LAMB2: variants seen among roughly 807,000 people sequenced by gnomAD.
LAMB2 encodes laminin subunit beta 2, also known as laminin subunit beta-2.
In LAMB2, 119 loss-of-function variants were observed where a neutral mutation model predicts 202.7. That is an observed-to-expected ratio of 0.59 (90% CI 0.51 to 0.68). LAMB2 has a LOEUF of 0.68. Ranked by LOEUF, LAMB2 falls within the 30% of genes least tolerant of loss-of-function variation. LAMB2 has a pLI of 0.00. For missense variants in LAMB2, 2,124 were observed against 2,410.6 expected, an observed-to-expected ratio of 0.88 and a Z score of 2.49; for synonymous variants, 818 against 902.2, an observed-to-expected ratio of 0.91 and a Z score of 1.67.
At chr3:49,123,077 G>A in intron 26 of LAMB2, 25 bp from the exon 27 acceptor site, 1 of 1,606,500 alleles carries the variant, frequency 6.2e-7, no homozygotes, top group Non-Finnish European at 8.5e-7. Flanking sequence ...ACAAGTCAGG[G>A]CCCTGTGAGA....
Position 49,123,768 on chromosome 3 carries a change from C to G in LAMB2, c.3757G>C (p.Ala1253Pro). ...GCCTCCACAAGCTGTGCAGTGGAGG[C>G]GGCTGAGGTGTTGCGGGCACCTACG... ...GIVGARNTSA[A>P]STAQLVEATE... Residue 1253 changes from alanine (A) to proline (P), a missense_variant, in exon 24 of 32, where the codon GCC (alanine) becomes CCC (proline). Transcript: ENST00000305544. The G allele has an allele frequency of 6.2e-7, 1 of 1,613,354 alleles. No homozygotes were observed. The highest frequency in any genetic ancestry group is 8.5e-7 in the Non-Finnish European group (1 of 1,180,028).
At position 49,132,869 on chromosome 3, in the gene LAMB2, C is replaced by T. The variant is rs1220462871; in HGVS notation, c.-2G>A. The T allele has an allele frequency of 6.8e-6, 11 of 1,613,850 alleles. No individual in the cohort carries two copies. The highest frequency in any genetic ancestry group is 6.7e-5 in the Admixed American group (4 of 60,014). On this transcript the variant is annotated 5_prime_UTR_variant, in exon 1 of 32. Transcript: ENST00000305544. The surrounding 1 kb of genome is among the most constrained non-coding windows in gnomAD (Gnocchi z 4.6). ...TCTTTCCCTTGAGGTCAGCTCCATC[C>T]TGAAGAGGGGAACAGGGATAAGGGG...
chr3:49,129,707 C>T lies in LAMB2; in HGVS notation c.1415G>A (p.Cys472Tyr). Residue 472 changes from cysteine (C) to tyrosine (Y), a missense_variant, in exon 11 of 32, where the codon TGT becomes TAT. Around this residue, in one of 3 missense-constraint regions of LAMB2, gnomAD observed 1,702 missense variants for 1,896.3 expected, o/e 0.90. Coordinates refer to ENST00000305544, the MANE Select transcript of LAMB2 (RefSeq NM_002292.4). The surrounding 1 kb of genome is among the most constrained non-coding windows in gnomAD (Gnocchi z 6.1). The stretch of plus-strand genomic sequence containing the variant: ...CCCAGGCACTGTGCCCCGTGCATTA[C>T]ATTGACATCCTGCAGGGAAGGAGAA... ...SDRLGCRRCQ[C>Y]NARGTVPGST... is the part of the protein sequence containing the mutation. The T allele has an allele frequency of 6.2e-7, 1 of 1,613,834 alleles. No individual in the cohort carries two copies. The highest frequency in any genetic ancestry group is 8.5e-7 in the Non-Finnish European group (1 of 1,179,742).
rs905883303 is a variant in LAMB2, at chr3:49,129,402, C to T, written c.1519-78G>A. ...CACCCAGCAGGAAATCCCAACCACA[C>T]GTCTTAGCCTCAATCACCCCTCAGT... On this transcript the variant is annotated intron_variant, in intron 11 of 31. Transcript: ENST00000305544. This position sits in a 1 kb window ranked among gnomAD's most constrained non-coding sequence, Gnocchi z 6.1. 177 of 1,323,718 alleles carry T rather than the reference C, an allele frequency of 1.3e-4. No individual in the cohort carries two copies. Among genetic ancestry groups the T allele is most frequent in the Admixed American group, 4.0e-4 (22 of 54,358 alleles). 82.0% of individuals were successfully genotyped at this position (1,323,718 alleles called of 1,614,324 possible).
rs1482700011 is a variant in LAMB2 at position 49,130,899 on chromosome 3, C to A, written c.916-39G>T. On this transcript the variant is annotated intron_variant, in intron 7 of 31. Transcript: ENST00000305544. The surrounding 1 kb of genome is among the most constrained non-coding windows in gnomAD (Gnocchi z 5.0). ...CAGGTAGGTTGTCAGCACTGCTCAG[C>A]CATGTCCGCCCCTGCCCCTAGCCCT... is the stretch of plus-strand genomic sequence containing the variant. 1 of 1,614,150 alleles carries A rather than the reference C, an allele frequency of 6.2e-7. No homozygotes were observed. The highest frequency in any genetic ancestry group is 8.5e-7 in the Non-Finnish European group (1 of 1,180,032).
rs1179045927 is a variant in LAMB2, at chr3:49,132,635, A to G, written c.105T>C (p.Pro35=). 1.2e-6 allele frequency: 2 copies of G among 1,613,938 alleles called. No individual in the cohort carries two copies. The highest frequency in any genetic ancestry group is 2.7e-5 in the African/African-American group (2 of 74,942). The change falls in exon 2 of 32, where the codon CCT becomes CCC. Residue 35 remains proline (P), a synonymous_variant. Transcript: ENST00000305544. The surrounding 1 kb of genome is among the most constrained non-coding windows in gnomAD (Gnocchi z 4.6). ...TGGAACAGCCAGGCACATCCGGGGC[A>G]GGGGCCTGTGCCAGTGTGGCAGCCA... is the stretch of plus-strand genomic sequence containing the variant. ...SVLAATLAQA[P]APDVPGCSRG... is the part of the protein sequence containing the mutation.
At position 49,130,073 on chromosome 3, in the gene LAMB2, C is replaced by T; in HGVS notation, c.1226-55G>A. ...CACCCTATCTCAACTAGCTCACTGC[C>T]AGTCCTCTCCTAAGCCTAAGGGATC... On this transcript the variant is annotated intron_variant, in intron 9 of 31. Coordinates refer to ENST00000305544, the MANE Select transcript of LAMB2 (RefSeq NM_002292.4). The surrounding 1 kb of genome is among the most constrained non-coding windows in gnomAD (Gnocchi z 5.0). 6.3e-7 allele frequency: 1 copy of T among 1,594,474 alleles called. No individual in the cohort carries two copies. Among genetic ancestry groups the T allele is most frequent in the Non-Finnish European group, 8.6e-7 (1 of 1,162,792 alleles).
chr3:49,122,145 C>T lies in LAMB2; in HGVS notation c.4781+18G>A. 6.2e-6 allele frequency: 10 copies of T among 1,613,500 alleles called. No homozygotes were observed. The highest frequency in any genetic ancestry group is 8.5e-6 in the Non-Finnish European group (10 of 1,180,022). On this transcript the variant is annotated intron_variant, in intron 28 of 31. Coordinates refer to ENST00000305544, the MANE Select transcript of LAMB2 (RefSeq NM_002292.4). Reference sequence around the variant, plus strand: ...CAAAACCAGGTGTCAGGGATAGGGGCCAGGGATGGGGTCAGACCTTGCCCG... The same window carrying T: ...CAAAACCAGGTGTCAGGGATAGGGGTCAGGGATGGGGTCAGACCTTGCCCG...
rs1347865651 is a variant in LAMB2, at chr3:49,125,460, G to A, written c.2513C>T (p.Ala838Val). The change falls in exon 19 of 32, where the codon GCA (alanine) becomes GTA (valine). Residue 838 changes from alanine (A) to valine (V), a missense_variant. By Grantham distance (64) the Ala-to-Val change is moderately conservative. This residue lies in a region of LAMB2 where 1,702 missense variants were observed against 1,896.3 expected (regional missense o/e 0.90). Transcript: ENST00000305544. The part of the protein sequence containing the change: ...CQACQCSHEG[A>V]LSSLCEKTSG... ...GGTCTTTTCACAGAGACTGCTGAGTGCCCCCTCGTGGCTGCACTGGCAGGC... is the reference window on the plus strand; with the variant it reads ...GGTCTTTTCACAGAGACTGCTGAGTACCCCCTCGTGGCTGCACTGGCAGGC... 6.2e-6 allele frequency: 10 copies of A among 1,607,312 alleles called. No homozygotes were observed. The highest frequency in any genetic ancestry group is 8.5e-6 in the Non-Finnish European group (10 of 1,177,106).
chr3:49,123,769 G>A lies in LAMB2; in HGVS notation c.3756C>T (p.Ala1252=), dbSNP rs773560262. ...CCTCCACAAGCTGTGCAGTGGAGGC[G>A]GCTGAGGTGTTGCGGGCACCTACGA... The part of the protein sequence containing the change: ...QGIVGARNTS[A]ASTAQLVEAT... The change falls in exon 24 of 32, where the codon GCC becomes GCT. Residue 1252 remains alanine (A), a synonymous_variant. Transcript: ENST00000305544. 1.7e-5 allele frequency: 28 copies of A among 1,613,240 alleles called. No individual in the cohort carries two copies. The highest frequency in any genetic ancestry group is 3.3e-4 in the Middle Eastern group (2 of 6,084).
In LAMB2 at chr3:49,123,841, C is replaced by G. The variant is rs745332112; in HGVS notation, c.3684G>C (p.Glu1228Asp). 1 of 1,613,348 alleles carries G rather than the reference C, an allele frequency of 6.2e-7. No homozygotes were observed. Among genetic ancestry groups the G allele is most frequent in the Admixed American group, 1.7e-5 (1 of 60,032 alleles). ...LQQTGVLGAF[E>D]SSFWHMQEKL... is the part of the protein sequence containing the mutation. ...TCTCCTGCATGTGCCAGAAGCTGCT[C>G]TCAAAGGCACCCAGCACACCCGTCT... is the stretch of plus-strand genomic sequence containing the variant. The change falls in exon 24 of 32, where the codon GAG becomes GAC. Residue 1228 changes from glutamate (E) to aspartate (D), a missense_variant. Physicochemically the swap from Glu to Asp is conservative, Grantham distance 45. This residue lies in a region of LAMB2 where 1,702 missense variants were observed against 1,896.3 expected (regional missense o/e 0.90). Coordinates refer to ENST00000305544, the MANE Select transcript of LAMB2 (RefSeq NM_002292.4).
rs781368196 is a variant in LAMB2 at position 49,131,325 on chromosome 3, A to G, written c.712+54T>C. ...ACCCAAAATAGTTACTGAGGCCCCA[A>G]ATAGTCCCTAGCCGGACACGGACTG... is the stretch of plus-strand genomic sequence containing the variant. On this transcript the variant is annotated intron_variant, in intron 6 of 31. Transcript: ENST00000305544. This position sits in a 1 kb window ranked among gnomAD's most constrained non-coding sequence, Gnocchi z 5.0. 19 of 1,591,194 alleles carry G rather than the reference A, an allele frequency of 1.2e-5. No individual in the cohort carries two copies. The highest frequency in any genetic ancestry group is 1.7e-4 in the Middle Eastern group (1 of 5,990).
Position 49,133,023 on chromosome 3 carries a change from G to A in LAMB2, c.-156C>T, listed in dbSNP as rs2045498966. On this transcript the variant is annotated 5_prime_UTR_variant, in exon 1 of 32. Transcript: ENST00000305544. The stretch of plus-strand genomic sequence containing the variant: ...CCCAGGTCTGTCCAGCGGTCCCTCC[G>A]ACAGCTTAGAGTCCAGCGACTTTGA... The A allele has an allele frequency of 1.5e-6, 1 of 672,926 alleles. No homozygotes were observed. The allele number at this position is 672,926 out of a possible 1,614,324, so 41.7% of individuals were successfully genotyped here. A position where few individuals can be genotyped will look rare whatever the true frequency, so the allele number is the denominator to read the frequency against.
chr3:49,126,441 T>C lies in LAMB2; in HGVS notation c.2075A>G (p.His692Arg). The change falls in exon 16 of 32, where the codon CAT becomes CGT. Residue 692 changes from histidine to arginine, a missense_variant. Around this residue, in one of 3 missense-constraint regions of LAMB2, gnomAD observed 1,702 missense variants for 1,896.3 expected, o/e 0.90. Transcript: ENST00000305544. ...TCCCCCTGTCCGTACCAGCTTCAGA[T>C]GCAGCTTGTAGGAGATACCAGGCTC... ...CLEPGISYKL[H>R]LKLVRTGGSA... The C allele has an allele frequency of 6.2e-7, 1 of 1,614,174 alleles. No individual in the cohort carries two copies. Among genetic ancestry groups the C allele is most frequent in the South Asian group, 1.1e-5 (1 of 91,070 alleles).
Position 49,123,385 on chromosome 3 carries a change from A to G in LAMB2, c.3983-12T>C. On this transcript the variant is annotated splice_polypyrimidine_tract_variant and intron_variant, in intron 25 of 31. Transcript: ENST00000305544. ...GCTGTCATAGGCACCTAAATTGGGC[A>G]GAGGCAGACAGTCAGCTGAAGACTG... The G allele has an allele frequency of 3.1e-6, 5 of 1,614,022 alleles. No individual in the cohort carries two copies. Among genetic ancestry groups the G allele is most frequent in the Non-Finnish European group, 4.2e-6 (5 of 1,180,040 alleles).
At position 49,125,005 on chromosome 3, in the gene LAMB2, C is replaced by G; in HGVS notation, c.2884+1G>C. ...TCCCACGCCTGCCCCCATCCACTCA[C>G]CCGTATAGCCTGCCCGGCAGTGGCA... On this transcript the variant is annotated splice_donor_variant, in intron 20 of 31. Coordinates refer to ENST00000305544, the MANE Select transcript of LAMB2 (RefSeq NM_002292.4). LOFTEE classifies it high-confidence loss of function. 1 of 1,613,990 alleles carries G rather than the reference C, an allele frequency of 6.2e-7. No homozygotes were observed. Among genetic ancestry groups the G allele is most frequent in the African/African-American group, 1.3e-5 (1 of 75,072 alleles).
rs140456179 is a variant in LAMB2 at position 49,123,881 on chromosome 3, G to A, written c.3644C>T (p.Ala1215Val). Residue 1215 changes from alanine (A) to valine (V), a missense_variant, in exon 24 of 32, where the codon GCG becomes GTG. Ala to Val is a moderately conservative substitution (Grantham distance 64). This residue lies in a region of LAMB2 where 1,702 missense variants were observed against 1,896.3 expected (regional missense o/e 0.90). Transcript: ENST00000305544. ...CACACCCGTCTGTTGCAACTCCTGCGCCCGCTGCTCTAGGCGCTGTGTACG... is the reference window on the plus strand; with the variant it reads ...CACACCCGTCTGTTGCAACTCCTGCACCCGCTGCTCTAGGCGCTGTGTACG... Reference protein sequence around the residue: ...AARTQRLEQRAQELQQTGVLG... With the variant: ...AARTQRLEQRVQELQQTGVLG... 7.4e-6 allele frequency: 12 copies of A among 1,613,404 alleles called. No individual in the cohort carries two copies. Among genetic ancestry groups the A allele is most frequent in the Admixed American group, 3.3e-5 (2 of 60,026 alleles).
intron 15 of LAMB2, among the ~76,000 whole-genome samples, chr3:49,126,958 A>G (rs1391600122): frequency 6.6e-6 from 1 of 151,772 alleles, no homozygotes; most frequent in East Asian, 1.9e-4. Flanking sequence ...TCAATCCCTC[A>G]TCTTTTTTCT....
At position 49,129,221 on chromosome 3, in the gene LAMB2, C is replaced by T. The variant is rs748199301; in HGVS notation, c.1598+24G>A. On this transcript the variant is annotated intron_variant, in intron 12 of 31. Transcript: ENST00000305544. This position sits in a 1 kb window ranked among gnomAD's most constrained non-coding sequence, Gnocchi z 6.1. ...GCTCAGGATCTTTCCCCATCCCTTC[C>T]CAGGCCCCCTTTACAACACTTACTG... is the stretch of plus-strand genomic sequence containing the variant. 1.9e-6 allele frequency: 3 copies of T among 1,614,126 alleles called. No individual in the cohort carries two copies. Among genetic ancestry groups the T allele is most frequent in the Non-Finnish European group, 2.5e-6 (3 of 1,180,014 alleles).
Sources: gnomAD v4.1 joint callset for allele counts (sites outside exome capture counted in the v4.1 genomes callset) on GRCh38, gnomAD v4.1.1 for gene constraint, gnomAD v4.1.1 regional missense constraint, Gnocchi (gnomAD v3.1) non-coding constraint, MANE v1.5 for transcripts, NCBI Gene and HGNC (gene_info 2026-07-23, HGNC 2026-07-21) for gene names.